The following PLPP3 variants were observed in gnomAD, a reference collection of about 807,000 sequenced individuals.
PLPP3 encodes the protein PAP2 beta.
PLPP3 carries 6 observed loss-of-function variants against 29.6 expected under a neutral mutation model. The ratio of observed to expected loss-of-function variants is 0.20; its 90% CI spans 0.11 to 0.40. The LOEUF is 0.40. PLPP3 is among the 10% of genes least tolerant of loss of function. PLPP3 has a pLI of 1.00. For missense variants in PLPP3, 308 were observed against 407.7 expected, an observed-to-expected ratio of 0.76 and a Z score of 2.11; for synonymous variants, 152 against 159.7, an observed-to-expected ratio of 0.95 and a Z score of 0.36.
At chr1:56,569,294 T>C (rs1646181920) in intron 1 of PLPP3, among the ~76,000 whole-genome samples, 1 of 152,090 alleles carries the variant, frequency 6.6e-6, no homozygotes, top group Non-Finnish European at 1.5e-5. Context: ...TGCCTCAGCC[T>C]CCTGATTAGC....
chr1:56,529,042 C>T (rs1645870288), intron 2 of PLPP3, among the ~76,000 whole-genome samples: 2 of 151,928 alleles, frequency 1.3e-5, no homozygotes, highest in Non-Finnish European at 2.9e-5. Flanking sequence ...GAAGGACAAA[C>T]TTTCCTATAC....
At position 56,524,559 on chromosome 1, in the gene PLPP3, A is replaced by G. The variant is rs193118962; in HGVS notation, c.298-5T>C. Reference sequence around the variant, plus strand: ...GTAGAATTCCCCCGTGATGATCTAAAAGGAATCCAACAGGGGAATTAGGCA... The same window carrying G: ...GTAGAATTCCCCCGTGATGATCTAAGAGGAATCCAACAGGGGAATTAGGCA... On this transcript the variant is annotated splice_polypyrimidine_tract_variant and splice_region_variant and intron_variant, in intron 2 of 5. Transcript: ENST00000371250. This position sits in a 1 kb window ranked among gnomAD's most constrained non-coding sequence, Gnocchi z 4.3. 5.9e-4 allele frequency: 942 copies of G among 1,604,134 alleles called. 4 individuals carry two copies. The African/African-American group carries it at 0.011, about 20-fold the overall frequency.
chr1:56,542,829 C>T (rs990572609), intron 1 of PLPP3, among the ~76,000 whole-genome samples: 10 of 151,964 alleles, frequency 6.6e-5, no homozygotes, highest in African/African-American at 2.4e-4. Flanking sequence ...CGAGACCAGC[C>T]TTGGCAACAT....
intron 1 of PLPP3, among the ~76,000 whole-genome samples, chr1:56,546,711 T>C (rs1177446464): frequency 6.6e-6 from 1 of 152,152 alleles, no homozygotes; most frequent in Non-Finnish European, 1.5e-5. Context: ...AAACAAAGCC[T>C]TGCTGAAATA....
At chr1:56,559,854 G>C (rs1264433450) in intron 1 of PLPP3, among the ~76,000 whole-genome samples, 1 of 152,130 alleles carries the variant, frequency 6.6e-6, no homozygotes, top group African/African-American at 2.4e-5. Flanking sequence ...TTTGATGCTT[G>C]TCCCCTTCAT....
intron 1 of PLPP3, 32 bp downstream of exon 1, chr1:56,578,846 G>T (rs375382439): frequency 5.6e-5 from 85 of 1,509,286 alleles, no homozygotes; most frequent in African/African-American, 8.7e-5. Flanking sequence ...ACGAGGGGCC[G>T]AGGGGCCGAG....
intron 5 of PLPP3, among the ~76,000 whole-genome samples, chr1:56,510,071 T>A (rs1489760231): frequency 1.3e-5 from 2 of 152,158 alleles, no homozygotes; most frequent in African/African-American, 4.8e-5. Context: ...AGAGGAAGGC[T>A]AGTAAGGATC....
intron 1 of PLPP3, among the ~76,000 whole-genome samples, chr1:56,554,520 A>C (rs568605320): frequency 3.0e-4 from 46 of 151,242 alleles, no homozygotes; most frequent in Non-Finnish European, 3.4e-4. Context: ...TGCAGTGAGC[A>C]GAGATCACGC....
chr1:56,519,749 T>TG (rs1029151238), intron 4 of PLPP3, among the ~76,000 whole-genome samples: 4 of 151,526 alleles, frequency 2.6e-5, no homozygotes, highest in Admixed American at 6.6e-5. Flanking sequence ...TGGGTTTGTT[T>TG]TTTTTTTTTT....
intron 1 of PLPP3, among the ~76,000 whole-genome samples, chr1:56,541,066 A>G (rs1645965819): frequency 1.3e-5 from 2 of 152,124 alleles, no homozygotes; most frequent in South Asian, 2.1e-4. Context: ...AAAAGCAAGA[A>G]CCCTGAATTA....
At chr1:56,549,599 T>G (rs1646025408) in intron 1 of PLPP3, among the ~76,000 whole-genome samples, 1 of 152,224 alleles carries the variant, frequency 6.6e-6, no homozygotes, top group Non-Finnish European at 1.5e-5. Flanking sequence ...AAGCAAGGTT[T>G]CATTTCCATA....
chr1:56,517,973 T>C (rs1328533720), intron 4 of PLPP3, among the ~76,000 whole-genome samples: 1 of 151,964 alleles, frequency 6.6e-6, no homozygotes, highest in Non-Finnish European at 1.5e-5. Context: ...TTCCATCCCC[T>C]GAGTCCACCC....
At chr1:56,574,959 T>G (rs763873404) in intron 1 of PLPP3, among the ~76,000 whole-genome samples, 1 of 152,126 alleles carries the variant, frequency 6.6e-6, no homozygotes, top group Non-Finnish European at 1.5e-5. Context: ...CTCAGAAAAT[T>G]TAAATGAATT....
At chr1:56,575,637 A>G (rs1646230728) in intron 1 of PLPP3, among the ~76,000 whole-genome samples, 1 of 152,216 alleles carries the variant, frequency 6.6e-6, no homozygotes, top group South Asian at 2.1e-4. Context: ...CAGGTGGGGA[A>G]AGGATTCCAC....
intron 1 of PLPP3, among the ~76,000 whole-genome samples, chr1:56,571,193 A>G (rs1366297033): frequency 2.0e-5 from 3 of 152,206 alleles, no homozygotes; most frequent in Non-Finnish European, 4.4e-5. Flanking sequence ...CTAACCAACC[A>G]AGACCTCTAG....
At chr1:56,566,357 C>T (rs1276427128) in intron 1 of PLPP3, among the ~76,000 whole-genome samples, 1 of 152,222 alleles carries the variant, frequency 6.6e-6, no homozygotes, top group Non-Finnish European at 1.5e-5. Context: ...ACCTCTCAAA[C>T]TCACTCACTG....
chr1:56,519,796 C>T (rs938542332), intron 4 of PLPP3, among the ~76,000 whole-genome samples: 3 of 151,750 alleles, frequency 2.0e-5, no homozygotes, highest in Non-Finnish European at 4.4e-5. Flanking sequence ...AAGCCTTAAC[C>T]TCACCCTTAA....
intron 1 of PLPP3, among the ~76,000 whole-genome samples, chr1:56,555,433 T>TAAAAAAAAAAGAAAAA (rs1646068403): frequency 3.0e-5 from 1 of 33,216 alleles, no homozygotes; most frequent in African/African-American, 1.6e-4. Flanking sequence ...GGCCAAACAC[T>TAAAAAAAAAAGAAAAA]AAAAAAAAAA....
intron 2 of PLPP3, among the ~76,000 whole-genome samples, chr1:56,531,996 A>C (rs1321894496): frequency 6.6e-6 from 1 of 152,206 alleles, no homozygotes; most frequent in Non-Finnish European, 1.5e-5. Context: ...AATGGAGCAT[A>C]TCATCACCTC....
Sources: gnomAD v4.1 joint callset for allele counts (sites outside exome capture counted in the v4.1 genomes callset) on GRCh38, gnomAD v4.1.1 for gene constraint, Gnocchi (gnomAD v3.1) non-coding constraint, MANE v1.5 for transcripts, NCBI Gene and HGNC (gene_info 2026-07-23, HGNC 2026-07-21) for gene names.